Variants in ZNF184 observed in about 807,000 individuals in gnomAD.
ZNF184 encodes zinc finger protein 184, also known as zinc finger protein 184 (Kruppel-like).
Under a neutral mutation model 54.4 loss-of-function variants are expected in ZNF184, and 16 were observed. That is an observed-to-expected ratio of 0.29 (90% CI 0.20 to 0.45). The LOEUF is 0.45. Among genes scored for constraint, ZNF184 ranks in the 20% least tolerant of loss-of-function variants. The pLI, the probability that ZNF184 is intolerant of heterozygous loss-of-function variation, is 1.00. For missense variants in ZNF184, 681 were observed against 888.2 expected, an observed-to-expected ratio of 0.77 and a Z score of 2.97; for synonymous variants, 254 against 295.3, an observed-to-expected ratio of 0.86 and a Z score of 1.43.
At chr6:27,404,368 G>T in the ZNF184 span, 1 of 152,298 alleles carries the variant, frequency 6.6e-6, no homozygotes, top group East Asian at 1.9e-4. Context: ...ATAACACCTA[G>T]TATACAGCAG....
chr6:27,411,593 A>G, the ZNF184 span, among the ~76,000 whole-genome samples: 76,650 of 152,130 alleles, frequency 0.5, 20,163 homozygotes, highest in Middle Eastern at 0.72. Flanking sequence ...GTCAATAAGT[A>G]GAACCAGAAA....
At chr6:27,465,509 A>T (rs1328479961) in intron 3 of ZNF184, among the ~76,000 whole-genome samples, 1 of 142,674 alleles carries the variant, frequency 7.0e-6, no homozygotes, top group African/African-American at 2.7e-5. Context: ...AAAAAAAAAA[A>T]GCAAAACCCA....
At chr6:27,424,126 T>G in the ZNF184 span, among the ~76,000 whole-genome samples, 1 of 152,210 alleles carries the variant, frequency 6.6e-6, no homozygotes. Context: ...GGTGGGTTCG[T>G]GGTCTCCCTG....
the ZNF184 span, among the ~76,000 whole-genome samples, chr6:27,444,114 A>G: frequency 6.6e-6 from 1 of 152,210 alleles, no homozygotes; most frequent in African/African-American, 2.4e-5. Flanking sequence ...TTCTCATTCT[A>G]CAGGAGGTGA....
At chr6:27,449,019 T>C (rs1458936576), downstream of ZNF184, among the ~76,000 whole-genome samples, 3 of 152,230 alleles carry the variant, frequency 2.0e-5, no homozygotes, top group Admixed American at 6.5e-5. Flanking sequence ...CTCATAAGCA[T>C]TGGCTGTGGT....
At chr6:27,412,630 T>C in the ZNF184 span, among the ~76,000 whole-genome samples, 5 of 152,244 alleles carry the variant, frequency 3.3e-5, no homozygotes, top group Admixed American at 1.3e-4. Flanking sequence ...TGAGTGACCA[T>C]GGCCTGTGAC....
At chr6:27,439,966 TCTTATC>T in the ZNF184 span, among the ~76,000 whole-genome samples, 7 of 152,338 alleles carry the variant, frequency 4.6e-5, no homozygotes, top group East Asian at 1.3e-3. Context: ...GAAACTGACT[TCTTATC>T]CTTAACTTTC....
At chr6:27,447,071 T>TAAAA (rs1561832693), downstream of ZNF184, among the ~76,000 whole-genome samples, 1 of 132,168 alleles carries the variant, frequency 7.6e-6, no homozygotes. Flanking sequence ...GCCACTGCAA[T>TAAAA]CAAAAAAAAA....
the ZNF184 span, among the ~76,000 whole-genome samples, chr6:27,422,215 A>AGAAAGAAAGAAAGAAG: frequency 7.6e-6 from 1 of 131,794 alleles, no homozygotes; most frequent in Non-Finnish European, 1.7e-5. Context: ...AAAGAAAGAA[A>AGAAAGAAAGAAAGAAG]GAAAAGAAAA....
chr6:27,455,943 A>T (rs1212949259), intron 5 of ZNF184, among the ~76,000 whole-genome samples: 2 of 152,210 alleles, frequency 1.3e-5, no homozygotes, highest in East Asian at 3.8e-4. Context: ...ATAATTTCAA[A>T]AACTGTATGA....
At chr6:27,450,457 T>C (rs545785905), downstream of ZNF184, among the ~76,000 whole-genome samples, 17 of 152,188 alleles carry the variant, frequency 1.1e-4, no homozygotes, top group Admixed American at 1.1e-3. Context: ...TGTCTCTGCT[T>C]AGCACCATGT....
chr6:27,452,664 T>C lies in ZNF184; in HGVS notation c.895A>G (p.Ile299Val). 1 of 1,614,046 alleles carries C rather than the reference T, an allele frequency of 6.2e-7. No homozygotes were observed. The highest frequency in any genetic ancestry group is 1.1e-5 in the South Asian group (1 of 91,070). Residue 299 changes from isoleucine (I) to valine (V), a missense_variant, in exon 6 of 6, where the codon ATT becomes GTT. Ile to Val is a conservative substitution (Grantham distance 29, BLOSUM62 3). Transcript: ENST00000683788. This position sits in a 1 kb window ranked among gnomAD's most constrained non-coding sequence, Gnocchi z 5.5. ...EGPSLTQHQR[I>V]HTGEKPYKCD... is the part of the protein sequence containing the mutation. ...TTATATGGTTTTTCTCCAGTATGAA[T>C]TCTTTGATGTTGAGTAAGAGATGGA...
At chr6:27,424,323 CAA>C in the ZNF184 span, among the ~76,000 whole-genome samples, 1 of 152,176 alleles carries the variant, frequency 6.6e-6, no homozygotes. Flanking sequence ...AGATTTATTG[CAA>C]AGAGTAAAAG....
At chr6:27,419,733 A>G in the ZNF184 span, among the ~76,000 whole-genome samples, 2 of 152,138 alleles carry the variant, frequency 1.3e-5, no homozygotes, top group African/African-American at 4.8e-5. This position sits in a 1 kb window ranked among gnomAD's most constrained non-coding sequence, Gnocchi z 4.8. Flanking sequence ...AAATATATGT[A>G]AAATCTGACC....
the ZNF184 span, among the ~76,000 whole-genome samples, chr6:27,423,377 C>A: frequency 4.6e-5 from 7 of 152,146 alleles, no homozygotes; most frequent in African/African-American, 9.7e-5. Context: ...CAGAATGCTA[C>A]CTTTGTCCTT....
the ZNF184 span, among the ~76,000 whole-genome samples, chr6:27,421,054 T>TA: frequency 6.6e-6 from 1 of 152,164 alleles, no homozygotes; most frequent in African/African-American, 2.4e-5. Flanking sequence ...AAACAGACAG[T>TA]AAAAAGATCA....
the ZNF184 span, among the ~76,000 whole-genome samples, chr6:27,433,850 TCC>T: frequency 4.6e-5 from 7 of 151,856 alleles, no homozygotes; most frequent in African/African-American, 1.7e-4. Context: ...TTTCCTTCCT[TCC>T]TTCCTTCTTT....
chr6:27,414,913 C>T, the ZNF184 span, among the ~76,000 whole-genome samples: 1 of 152,150 alleles, frequency 6.6e-6, no homozygotes, highest in Non-Finnish European at 1.5e-5. Context: ...TTACCTAAAA[C>T]ACCCATGGGC....
chr6:27,415,475 G>C, the ZNF184 span, among the ~76,000 whole-genome samples: 1 of 152,278 alleles, frequency 6.6e-6, no homozygotes, highest in African/African-American at 2.4e-5. Context: ...AGTGTTCTAA[G>C]GACATGAGTT....
Sources: allele counts gnomAD v4.1 joint callset (sites outside exome capture counted in the v4.1 genomes callset), GRCh38; gene constraint gnomAD v4.1.1; non-coding constraint Gnocchi (gnomAD v3.1); transcripts MANE v1.5; gene names NCBI Gene and HGNC (gene_info 2026-07-23, HGNC 2026-07-21).